Variants in SDK1 observed in about 807,000 individuals in gnomAD.
The protein encoded by SDK1 is protein sidekick-1.
A neutral mutation model predicts 245.5 loss-of-function variants in SDK1; 157 were observed. The observed-to-expected ratio is 0.64, with a 90% CI of 0.56 to 0.73. The LOEUF is 0.73. Ranked by LOEUF, SDK1 falls within the 30% of genes least tolerant of loss-of-function variation. The pLI, the probability that SDK1 is intolerant of heterozygous loss-of-function variation, is 0.00. For synonymous variants in SDK1, 1,647 were observed against 1,278.5 expected, an observed-to-expected ratio of 1.29 and a Z score of -6.15; for missense variants, 3,583 against 3,002.3, an observed-to-expected ratio of 1.19 and a Z score of -4.52.
chr7:3,380,634 C>A (rs974405048), intron 1 of SDK1, among the ~76,000 whole-genome samples: 1 of 152,112 alleles, frequency 6.6e-6, no homozygotes, highest in Admixed American at 6.5e-5. Context: ...AAGCTTTTAA[C>A]GTTTTCAAGT....
chr7:3,898,775 C>T (rs145493991), intron 5 of SDK1, among the ~76,000 whole-genome samples: 2 of 152,268 alleles, frequency 1.3e-5, no homozygotes, highest in East Asian at 3.9e-4. Context: ...GTAATTAGAG[C>T]TCGTTGGGAA....
At chr7:3,597,840 T>C (rs1014339982) in intron 1 of SDK1, among the ~76,000 whole-genome samples, 1 of 152,216 alleles carries the variant, frequency 6.6e-6, no homozygotes, top group Non-Finnish European at 1.5e-5. Flanking sequence ...TTTCTTTTTA[T>C]TGATGTACGT....
chr7:3,467,029 C>CACACACACACACAGAG (rs1288513856), intron 1 of SDK1, among the ~76,000 whole-genome samples: 22 of 137,642 alleles, frequency 1.6e-4, no homozygotes, highest in African/African-American at 5.0e-4. Context: ...CACACACACA[C>CACACACACACACAGAG]AGAGATGTAA....
intron 1 of SDK1, among the ~76,000 whole-genome samples, chr7:3,376,769 G>A (rs1425079678): frequency 3.3e-5 from 5 of 151,768 alleles, no homozygotes; most frequent in African/African-American, 4.8e-5. Context: ...TAAGGTAATC[G>A]GACACACACA....
chr7:3,965,197 C>T (rs1211439774), intron 9 of SDK1, among the ~76,000 whole-genome samples: 2 of 152,146 alleles, frequency 1.3e-5, no homozygotes, highest in Non-Finnish European at 2.9e-5. Flanking sequence ...TTTACAAACA[C>T]AGGGTGCAGG....
intron 28 of SDK1, among the ~76,000 whole-genome samples, chr7:4,135,701 A>AT (rs1779034645): frequency 6.6e-6 from 1 of 152,244 alleles, no homozygotes; most frequent in African/African-American, 2.4e-5. Flanking sequence ...GGGGAAGCAC[A>AT]TTCGTGCCTC....
Position 3,834,594 on chromosome 7 carries a change from C to A in SDK1, c.847+13011C>A, listed in dbSNP as rs1036909060. On this transcript the variant is annotated intron_variant, in intron 5 of 44. Transcript: ENST00000404826. ...CAGCACTGTCTATGACCGGGAACTG[C>A]CATAACCACCGTCCTTTCATTTGCT... Among the ~76,000 whole-genome samples, 5 of 152,300 alleles carry A rather than the reference C, an allele frequency of 3.3e-5. No individual in the cohort carries two copies. The South Asian group carries it at 6.2e-4, about 19-fold the overall frequency.
chr7:4,110,715 A>G lies in SDK1; in HGVS notation c.3377A>G (p.Asn1126Ser), dbSNP rs1172966353. The G allele has an allele frequency of 6.2e-7, 1 of 1,613,938 alleles. No homozygotes were observed. The highest frequency in any genetic ancestry group is 8.5e-7 in the Non-Finnish European group (1 of 1,179,964). ...TGGGTCACCCTCTATGAAGAGGAGA[A>G]TGAGCCTGATGCCCAGATGCTGGAG... Reference protein sequence around the residue: ...EEWVTLYEEENEPDAQMLEIP... With the variant: ...EEWVTLYEEESEPDAQMLEIP... The change falls in exon 23 of 45, where the codon AAT (asparagine) becomes AGT (serine). Residue 1126 changes from asparagine to serine, a missense_variant. Coordinates refer to ENST00000404826, the MANE Select transcript of SDK1 (RefSeq NM_152744.4).
At chr7:3,408,686 A>G (rs1779114949) in intron 1 of SDK1, among the ~76,000 whole-genome samples, 1 of 152,146 alleles carries the variant, frequency 6.6e-6, no homozygotes, top group Non-Finnish European at 1.5e-5. Context: ...ACTTGAATTA[A>G]CTGTTTATTT....
At chr7:3,492,356 T>C (rs1293433423) in intron 1 of SDK1, among the ~76,000 whole-genome samples, 2 of 152,176 alleles carry the variant, frequency 1.3e-5, no homozygotes, top group Admixed American at 6.5e-5. Context: ...TAGCCAGGCA[T>C]GGTGGCAGGC....
chr7:3,894,893 A>ATG (rs1379907345), intron 5 of SDK1, among the ~76,000 whole-genome samples: 2 of 151,778 alleles, frequency 1.3e-5, no homozygotes, highest in Non-Finnish European at 2.9e-5. Flanking sequence ...GGGTTTCACC[A>ATG]TGTCGGCCAA....
chr7:3,311,472 T>C (rs1473459822), intron 1 of SDK1, among the ~76,000 whole-genome samples: 1 of 152,146 alleles, frequency 6.6e-6, no homozygotes, highest in Non-Finnish European at 1.5e-5. Flanking sequence ...TCTTGTTCTA[T>C]TGAAATTCTC....
At chr7:3,581,480 T>C (rs1780492542) in intron 1 of SDK1, among the ~76,000 whole-genome samples, 1 of 152,158 alleles carries the variant, frequency 6.6e-6, no homozygotes, top group Non-Finnish European at 1.5e-5. Flanking sequence ...TGGTTATCAT[T>C]AAAAGTCAAA....
At chr7:3,813,653 T>G (rs1779440070) in intron 4 of SDK1, among the ~76,000 whole-genome samples, 2 of 143,564 alleles carry the variant, frequency 1.4e-5, no homozygotes, top group South Asian at 4.6e-4. Flanking sequence ...GGTCAAATGG[T>G]ATTTCTAGTT....
chr7:3,530,466 C>G (rs960942651), intron 1 of SDK1, among the ~76,000 whole-genome samples: 13 of 151,830 alleles, frequency 8.6e-5, no homozygotes, highest in African/African-American at 2.2e-4. Flanking sequence ...TGTGCAATAA[C>G]CTACAGAAAA....
In SDK1 at chr7:3,974,480, T is replaced by C. The variant is rs1272137589; in HGVS notation, c.1929T>C (p.Gly643=). The part of the protein sequence containing the change: ...LISQTWSGDI[G]DYSCEIVSEG... ...GCCAGACGTGGTCAGGCGACATCGGTGACTACAGCTGCGAGATTGTTTCTG... is the reference window on the plus strand; with the variant it reads ...GCCAGACGTGGTCAGGCGACATCGGCGACTACAGCTGCGAGATTGTTTCTG... Residue 643 remains glycine (G), a synonymous_variant, in exon 13 of 45, where the codon GGT becomes GGC. Coordinates refer to ENST00000404826, the MANE Select transcript of SDK1 (RefSeq NM_152744.4). 2 of 1,614,126 alleles carry C rather than the reference T, an allele frequency of 1.2e-6. No individual in the cohort carries two copies. Among genetic ancestry groups the C allele is most frequent in the Non-Finnish European group, 1.7e-6 (2 of 1,180,020 alleles).
At chr7:3,848,234 A>T (rs779505278) in intron 5 of SDK1, among the ~76,000 whole-genome samples, 2 of 152,204 alleles carry the variant, frequency 1.3e-5, no homozygotes, top group Non-Finnish European at 2.9e-5. Context: ...TCTTAACGAG[A>T]TGGATTCAGG....
intron 5 of SDK1, among the ~76,000 whole-genome samples, chr7:3,872,926 G>C (rs6971953): frequency 0.22 from 33,850 of 151,858 alleles, 3,969 homozygotes; most frequent in Middle Eastern, 0.32. Context: ...TTTACATACA[G>C]TATCAACACA....
chr7:3,408,008 T>C (rs1779097844), intron 1 of SDK1, among the ~76,000 whole-genome samples: 1 of 151,610 alleles, frequency 6.6e-6, no homozygotes, highest in Non-Finnish European at 1.5e-5. Context: ...CAAAGGCGAG[T>C]GTATGATAAA....
Sources: gnomAD v4.1 joint callset for allele counts (sites outside exome capture counted in the v4.1 genomes callset) on GRCh38, gnomAD v4.1.1 for gene constraint, MANE v1.5 for transcripts, NCBI Gene and HGNC (gene_info 2026-07-23, HGNC 2026-07-21) for gene names.